The following PRIM2 variants were observed in gnomAD, a reference collection of about 807,000 sequenced individuals.
PRIM2 encodes DNA primase large subunit.
A neutral mutation model predicts 67.3 loss-of-function variants in PRIM2; 39 were observed. The observed-to-expected ratio is 0.58, with a 90% CI of 0.45 to 0.76. The LOEUF (loss-of-function observed/expected upper bound fraction) is 0.76. Ranked by LOEUF, PRIM2 falls within the 30% of genes least tolerant of loss-of-function variation. The pLI is 0.00. For missense variants in PRIM2, 398 were observed against 598.7 expected (o/e 0.66, Z 3.50); for synonymous variants, 143 against 198.7 (o/e 0.72, Z 2.36).
chr6:57,308,872 C>CT, the PRIM2 span, among the ~76,000 whole-genome samples: 3 of 150,566 alleles, frequency 2.0e-5, no homozygotes, highest in Middle Eastern at 3.4e-3. Flanking sequence ...TTTTATTTTT[C>CT]TTTTTTTTAA....
chr6:57,384,113 T>C (rs1770054749), intron 7 of PRIM2, among the ~76,000 whole-genome samples: 1 of 152,198 alleles, frequency 6.6e-6, no homozygotes, highest in Non-Finnish European at 1.5e-5. Flanking sequence ...TTATCCTCAG[T>C]CTGGCTTTCT....
upstream of PRIM2, among the ~76,000 whole-genome samples, chr6:57,315,248 T>A (rs1294545142): frequency 6.6e-6 from 1 of 152,222 alleles, no homozygotes; most frequent in Non-Finnish European, 1.5e-5. Context: ...TAGCCACATA[T>A]GGTGATCTTG....
the PRIM2 span, among the ~76,000 whole-genome samples, chr6:57,294,387 A>G: frequency 2.0e-4 from 30 of 152,084 alleles, no homozygotes; most frequent in Non-Finnish European, 4.1e-4. Context: ...AGGTTAAGGC[A>G]GGAGAATCGC....
the PRIM2 span, among the ~76,000 whole-genome samples, chr6:57,305,586 A>G: frequency 1.3e-5 from 2 of 152,268 alleles, no homozygotes; most frequent in African/African-American, 4.8e-5. Flanking sequence ...AGAACAGAAC[A>G]TTGAAAAGTG....
At chr6:57,644,067 C>T (rs1298550790) in intron 13 of PRIM2, among the ~76,000 whole-genome samples, 28 of 152,074 alleles carry the variant, frequency 1.8e-4, no homozygotes, top group African/African-American at 6.0e-4. Flanking sequence ...AATCACACCA[C>T]GTCTCTTTTT....
At chr6:57,369,720 A>T (rs905691761) in intron 5 of PRIM2, among the ~76,000 whole-genome samples, 1 of 152,202 alleles carries the variant, frequency 6.6e-6, no homozygotes, top group Admixed American at 6.5e-5. Flanking sequence ...CTACACCTTG[A>T]TTATAAGATG....
the PRIM2 span, among the ~76,000 whole-genome samples, chr6:57,272,930 T>C: frequency 2.0e-5 from 3 of 152,222 alleles, no homozygotes; most frequent in African/African-American, 4.8e-5. Flanking sequence ...AAAATTCTTT[T>C]CTTGAAGAAT....
At chr6:57,411,336 A>G (rs1462760418) in intron 7 of PRIM2, among the ~76,000 whole-genome samples, 1 of 152,140 alleles carries the variant, frequency 6.6e-6, no homozygotes, top group African/African-American at 2.4e-5. Flanking sequence ...TACGCCTATA[A>G]TCCTCGCACT....
chr6:57,279,113 GAAACCCTAAACCC>G, the PRIM2 span, among the ~76,000 whole-genome samples: 1 of 152,142 alleles, frequency 6.6e-6, no homozygotes, highest in East Asian at 1.9e-4. Flanking sequence ...TACGGTCTGT[GAAACCCTAAACCC>G]AATTCATTGA....
At chr6:57,562,311 A>T (rs1205189987) in intron 10 of PRIM2, among the ~76,000 whole-genome samples, 2 of 152,234 alleles carry the variant, frequency 1.3e-5, no homozygotes, top group Admixed American at 1.3e-4. Flanking sequence ...TGCTCGATGC[A>T]GGGTTCCACA....
intron 7 of PRIM2, among the ~76,000 whole-genome samples, chr6:57,478,202 C>T (rs1420504067): frequency 6.6e-6 from 1 of 152,170 alleles, no homozygotes; most frequent in Admixed American, 6.6e-5. Context: ...AAAAAAATTA[C>T]TCTATATTCC....
At chr6:57,618,927 T>A (rs1776802038) in intron 12 of PRIM2, among the ~76,000 whole-genome samples, 1 of 152,152 alleles carries the variant, frequency 6.6e-6, no homozygotes, top group Non-Finnish European at 1.5e-5. Context: ...CTACTGCTGA[T>A]GCTCTCTGGA....
chr6:57,316,523 C>A (rs1227328950), upstream of PRIM2, among the ~76,000 whole-genome samples: 1 of 152,232 alleles, frequency 6.6e-6, no homozygotes, highest in African/African-American at 2.4e-5. Flanking sequence ...CAGTGCCAGC[C>A]ACAGTTTAGT....
At chr6:57,289,176 G>C in the PRIM2 span, among the ~76,000 whole-genome samples, 1 of 152,148 alleles carries the variant, frequency 6.6e-6, no homozygotes, top group Non-Finnish European at 1.5e-5. Flanking sequence ...TTCAATAGCT[G>C]ATTTGACCAA....
chr6:57,283,602 T>C, the PRIM2 span, among the ~76,000 whole-genome samples: 2 of 152,158 alleles, frequency 1.3e-5, no homozygotes, highest in Admixed American at 1.3e-4. Flanking sequence ...GTGCTAACAC[T>C]TTTTTTCAGC....
At chr6:57,621,206 T>C (rs1339843232) in intron 12 of PRIM2, among the ~76,000 whole-genome samples, 1 of 152,232 alleles carries the variant, frequency 6.6e-6, no homozygotes, top group Non-Finnish European at 1.5e-5. Context: ...AGGAGCCTAT[T>C]TCTGATCTGA....
chr6:57,453,582 CTGTT>C (rs1772638392), intron 7 of PRIM2, among the ~76,000 whole-genome samples: 3 of 152,104 alleles, frequency 2.0e-5, no homozygotes, highest in Non-Finnish European at 2.9e-5. Context: ...ATTTGGCTCT[CTGTT>C]TGTCTGTTGT....
At chr6:57,319,735 G>T (rs1016329315) in intron 2 of PRIM2, among the ~76,000 whole-genome samples, 1 of 152,114 alleles carries the variant, frequency 6.6e-6, no homozygotes, top group Non-Finnish European at 1.5e-5. Context: ...TGCAGTTCCT[G>T]CTTGGATGAT....
intron 10 of PRIM2, among the ~76,000 whole-genome samples, chr6:57,569,094 AACTTGGTT>A (rs1775810108): frequency 1.3e-5 from 2 of 152,226 alleles, no homozygotes; most frequent in African/African-American, 4.8e-5. Context: ...GTTAAGATTT[AACTTGGTT>A]CATTTTATCA....
Sources: gnomAD v4.1 joint callset for allele counts (sites outside exome capture counted in the v4.1 genomes callset) on GRCh38, gnomAD v4.1.1 for gene constraint, MANE v1.5 for transcripts, NCBI Gene and HGNC (gene_info 2026-07-23, HGNC 2026-07-21) for gene names.